The following CENPW variants were observed in gnomAD, a reference collection of about 807,000 sequenced individuals.
CENPW encodes centromere protein W, also known as cancer-up-regulated gene 2 protein.
In CENPW, 3 loss-of-function variants were observed where a neutral mutation model predicts 11.1. That is an observed-to-expected ratio of 0.27 (90% confidence interval 0.12 to 0.70). The LOEUF (loss-of-function observed/expected upper bound fraction) is 0.70, where lower values mean the gene tolerates loss of function less well. Among genes scored for constraint, CENPW ranks in the 30% least tolerant of loss-of-function variants. The probability of loss-of-function intolerance (pLI) is 0.77; values close to 1 mark genes in which losing one functional copy is unlikely to be tolerated. For synonymous variants in CENPW, 38 were observed against 42.0 expected, an observed-to-expected ratio of 0.91 and a Z score of 0.37; for missense variants, 100 against 105.6, an observed-to-expected ratio of 0.95 and a Z score of 0.23.
chr6:126,458,224 G>A, the CENPW span, among the ~76,000 whole-genome samples: 1 of 151,246 alleles, frequency 6.6e-6, no homozygotes, highest in East Asian at 2.0e-4. Flanking sequence ...ACAGCTGAAT[G>A]TGGCTGGATA....
the CENPW span, among the ~76,000 whole-genome samples, chr6:126,363,785 G>A: frequency 2.0e-5 from 3 of 152,098 alleles, no homozygotes; most frequent in Admixed American, 2.0e-4. Context: ...CTATTCAAAG[G>A]GAACTCAAAT....
the CENPW span, among the ~76,000 whole-genome samples, chr6:126,404,390 G>C: frequency 1.3e-5 from 2 of 151,926 alleles, no homozygotes; most frequent in East Asian, 1.9e-4. Context: ...AATCTTCTGG[G>C]AATAAATTTT....
chr6:126,476,753 C>T, the CENPW span, among the ~76,000 whole-genome samples: 6 of 151,928 alleles, frequency 3.9e-5, no homozygotes, highest in East Asian at 1.9e-4. Flanking sequence ...ATTAGATAAT[C>T]GTTTCCCATT....
chr6:126,412,013 C>CCCCCTCCCTCCCTCCTTCCTTCCTCCCT, the CENPW span, among the ~76,000 whole-genome samples: 1 of 121,384 alleles, frequency 8.2e-6, no homozygotes, highest in Non-Finnish European at 1.8e-5. Context: ...CTCTCTCCCT[C>CCCCCTCCCTCCCTCCTTCCTTCCTCCCT]CCACTCCCTC....
At chr6:126,414,134 G>A in the CENPW span, among the ~76,000 whole-genome samples, 3 of 151,938 alleles carry the variant, frequency 2.0e-5, no homozygotes, top group Non-Finnish European at 2.9e-5. Context: ...TTGTGAATAT[G>A]TATGCACGAA....
chr6:126,442,514 C>T, the CENPW span, among the ~76,000 whole-genome samples: 9 of 151,358 alleles, frequency 5.9e-5, no homozygotes, highest in East Asian at 1.2e-3. Flanking sequence ...TGCTTGCTAC[C>T]TCTATTAATC....
the CENPW span, among the ~76,000 whole-genome samples, chr6:126,424,179 G>T: frequency 1.3e-5 from 2 of 151,964 alleles, no homozygotes; most frequent in Non-Finnish European, 2.9e-5. Context: ...TTCAAACTTT[G>T]ATGTCCTTTT....
the CENPW span, among the ~76,000 whole-genome samples, chr6:126,390,027 T>G: frequency 6.6e-6 from 1 of 151,970 alleles, no homozygotes; most frequent in Non-Finnish European, 1.5e-5. Context: ...GATTCATTTT[T>G]TAGAATTCAT....
the CENPW span, among the ~76,000 whole-genome samples, chr6:126,357,025 G>A: frequency 6.6e-6 from 1 of 152,206 alleles, no homozygotes; most frequent in Admixed American, 6.5e-5. Context: ...CAAGGCCAAT[G>A]TTGAGAAGGG....
At chr6:126,446,885 A>G in the CENPW span, among the ~76,000 whole-genome samples, 2 of 151,194 alleles carry the variant, frequency 1.3e-5, no homozygotes. Flanking sequence ...CATGGAAAAT[A>G]AACTGTTTAA....
rs61103635 is a variant in CENPW at position 126,346,967 on chromosome 6, T to C, written c.240+649T>C. 3.3e-3 allele frequency among the ~76,000 whole-genome samples: 500 copies of C among 152,206 alleles called. 3 individuals carry two copies. Among genetic ancestry groups the C allele is most frequent in the African/African-American group, 0.011 (456 of 41,538 alleles). On this transcript the variant is annotated intron_variant, in intron 2 of 2. Transcript: ENST00000368328. The stretch of plus-strand genomic sequence containing the variant: ...CCGTCTCAAAAAAAGGAAAAAAAAA[T>C]CTCTTATAAGTAGAGATGATTGCTT...
the CENPW span, among the ~76,000 whole-genome samples, chr6:126,373,868 C>T: frequency 1.3e-5 from 2 of 152,148 alleles, no homozygotes; most frequent in East Asian, 1.9e-4. Context: ...ATAAGCTCCA[C>T]CTCTTGATGT....
intron 1 of CENPW, among the ~76,000 whole-genome samples, chr6:126,341,235 AC>A (rs1780304514): frequency 1.3e-5 from 2 of 152,362 alleles, no homozygotes; most frequent in African/African-American, 2.4e-5. Context: ...CTAGGTTTAA[AC>A]CACTGGAGGC....
downstream of CENPW, among the ~76,000 whole-genome samples, chr6:126,349,805 TC>T (rs1270719234): frequency 6.6e-6 from 1 of 152,128 alleles, no homozygotes; most frequent in Non-Finnish European, 1.5e-5. Context: ...AATTTTAATT[TC>T]CCTGGGAGTT....
At chr6:126,375,518 G>A in the CENPW span, among the ~76,000 whole-genome samples, 5 of 152,092 alleles carry the variant, frequency 3.3e-5, no homozygotes, top group Admixed American at 6.6e-5. Context: ...GGTGGAGTTG[G>A]TGAGAAGTTT....
At chr6:126,340,636 G>T (rs1348968733) in intron 1 of CENPW, among the ~76,000 whole-genome samples, 1 of 152,166 alleles carries the variant, frequency 6.6e-6, no homozygotes, top group Non-Finnish European at 1.5e-5. Flanking sequence ...TTTAAAGGGA[G>T]ACTGTTAGTC....
the CENPW span, among the ~76,000 whole-genome samples, chr6:126,454,642 C>T: frequency 6.6e-6 from 1 of 151,034 alleles, no homozygotes; most frequent in Non-Finnish European, 1.5e-5. Context: ...AATTAATAAC[C>T]TAACGTTACA....
At chr6:126,455,337 G>A in the CENPW span, among the ~76,000 whole-genome samples, 1 of 151,426 alleles carries the variant, frequency 6.6e-6, no homozygotes, top group East Asian at 1.9e-4. Context: ...GAATCCAGCA[G>A]CACATCAAAA....
the CENPW span, among the ~76,000 whole-genome samples, chr6:126,387,077 G>A: frequency 1.1e-4 from 16 of 152,016 alleles, no homozygotes; most frequent in South Asian, 4.1e-4. Context: ...TAAATCTAGA[G>A]TATAAATCCT....
Sources: allele counts gnomAD v4.1 joint callset (sites outside exome capture counted in the v4.1 genomes callset), GRCh38; gene constraint gnomAD v4.1.1; transcripts MANE v1.5; gene names NCBI Gene and HGNC (gene_info 2026-07-23, HGNC 2026-07-21).